Variants in SRGAP1 observed in about 807,000 individuals in gnomAD.
SRGAP1 encodes SLIT-ROBO Rho GTPase activating protein 1, also known as SLIT-ROBO Rho GTPase-activating protein 1.
In SRGAP1, 43 loss-of-function variants were observed where a neutral mutation model predicts 121.9. That is an observed-to-expected ratio of 0.35 (90% CI 0.28 to 0.46). The LOEUF (loss-of-function observed/expected upper bound fraction) is 0.46, where lower values mean the gene tolerates loss of function less well. SRGAP1 is among the 20% of genes least tolerant of loss of function. SRGAP1 has a pLI of 1.00. For missense variants in SRGAP1, 1,102 were observed against 1,350.9 expected (o/e 0.82, Z 2.89); for synonymous variants, 447 against 485.4 (o/e 0.92, Z 1.04).
chr12:63,948,985 C>T (rs1428175391), intron 1 of SRGAP1, among the ~76,000 whole-genome samples: 1 of 123,152 alleles, frequency 8.1e-6, no homozygotes, highest in Admixed American at 8.3e-5. Flanking sequence ...TATATATATT[C>T]CATATATGTA....
chr12:63,880,009 A>T (rs1900141683), intron 1 of SRGAP1, among the ~76,000 whole-genome samples: 1 of 152,134 alleles, frequency 6.6e-6, no homozygotes, highest in South Asian at 2.1e-4. Context: ...TCCATGTGTC[A>T]TGGGAGGGAC....
intron 15 of SRGAP1, among the ~76,000 whole-genome samples, chr12:64,099,821 A>G (rs967631658): frequency 1.3e-5 from 2 of 152,224 alleles, no homozygotes; most frequent in East Asian, 1.9e-4. Context: ...ACATGTACCA[A>G]TTGGATAAAG....
At chr12:64,017,054 A>G in intron 4 of SRGAP1, 42 bp downstream of exon 4, 1 of 1,197,602 alleles carries the variant, frequency 8.4e-7, no homozygotes, top group Non-Finnish European at 1.2e-6. Context: ...TCCTTGGGTT[A>G]GAATTCTGGT....
chr12:63,992,185 A>C (rs933196212), intron 3 of SRGAP1, among the ~76,000 whole-genome samples: 1 of 152,206 alleles, frequency 6.6e-6, no homozygotes, highest in Non-Finnish European at 1.5e-5. Context: ...GTCATGTAAG[A>C]AGGGACTTTG....
chr12:64,044,111 T>C (rs1324723953), intron 6 of SRGAP1, among the ~76,000 whole-genome samples: 1 of 152,214 alleles, frequency 6.6e-6, no homozygotes, highest in Non-Finnish European at 1.5e-5. Context: ...CTCTGTACAT[T>C]CTCTCATAGG....
rs1453032313 is a variant in SRGAP1 at position 64,149,111 on chromosome 12, G to A, written c.*6439G>A. The A allele has an allele frequency of 6.6e-6, 1 of 152,106 alleles. No homozygotes were observed. Among genetic ancestry groups the A allele is most frequent in the Non-Finnish European group, 1.5e-5 (1 of 68,026 alleles). The allele number at this position is 152,106 out of a possible 1,614,324, so 9.4% of individuals were successfully genotyped here. ...TATTATATTTATTTTAGTATTTCCTGATTAAACTTTGGGTAGTATATGCAG... is the reference window on the plus strand; with the variant it reads ...TATTATATTTATTTTAGTATTTCCTAATTAAACTTTGGGTAGTATATGCAG... On this transcript the variant is annotated 3_prime_UTR_variant, in exon 22 of 22. Transcript: ENST00000355086.
chr12:64,133,093 G>C (rs1027599640), intron 21 of SRGAP1, among the ~76,000 whole-genome samples: 3 of 152,202 alleles, frequency 2.0e-5, no homozygotes, highest in Non-Finnish European at 2.9e-5. Flanking sequence ...CTTCTGCACA[G>C]GCCAAATGGG....
chr12:64,084,242 G>A (rs758677196), intron 10 of SRGAP1, among the ~76,000 whole-genome samples: 25 of 151,826 alleles, frequency 1.6e-4, no homozygotes, highest in African/African-American at 5.8e-4. Context: ...CATAATTCTC[G>A]AGTGAAATTT....
In SRGAP1 at chr12:64,080,319, A is replaced by G. The variant is rs1318793416; in HGVS notation, c.1357A>G (p.Ile453Val). ...LREYLEGSNL[I>V]TKLQAKHDLL... is the part of the protein sequence containing the mutation. The stretch of plus-strand genomic sequence containing the variant: ...AGAATATTTGGAAGGCAGTAATCTC[A>G]TCACAAAACTTCAAGCCAAACATGA... The change falls in exon 10 of 22, where the codon ATC (isoleucine) becomes GTC (valine). Residue 453 changes from isoleucine to valine, a missense_variant. Ile to Val is a conservative substitution (Grantham distance 29). This residue lies in a region of SRGAP1 where 747 missense variants were observed against 929.4 expected (regional missense o/e 0.80). Coordinates refer to ENST00000355086, the MANE Select transcript of SRGAP1 (RefSeq NM_020762.4). 1.2e-6 allele frequency: 2 copies of G among 1,611,184 alleles called. No individual in the cohort carries two copies. The highest frequency in any genetic ancestry group is 1.7e-6 in the Non-Finnish European group (2 of 1,177,442).
intron 3 of SRGAP1, among the ~76,000 whole-genome samples, chr12:63,994,963 C>G (rs971345927): frequency 6.6e-6 from 1 of 152,240 alleles, no homozygotes; most frequent in Admixed American, 6.5e-5. Flanking sequence ...TCATCTGTCA[C>G]AGTTGCAGGA....
intron 1 of SRGAP1, among the ~76,000 whole-genome samples, chr12:63,939,507 GA>G (rs765566989): frequency 6.6e-6 from 1 of 151,942 alleles, no homozygotes; most frequent in Non-Finnish European, 1.5e-5. Context: ...GAAAGGAGGA[GA>G]AAAAAAGGCA....
At position 63,987,185 on chromosome 12, in the gene SRGAP1, CAT is replaced by C. The variant is rs1178861758; in HGVS notation, c.264-2724_264-2723del. Among the ~76,000 whole-genome samples, 7 of 152,194 alleles carry C rather than the reference CAT, an allele frequency of 4.6e-5. No individual in the cohort carries two copies. The East Asian group carries it at 1.3e-3, about 29-fold the overall frequency. Reference sequence around the variant, plus strand: ...TATTCCTTCTCCTTTTAACCAAACACATGTTATGTCTTTAGCATGATATCATT... The same window carrying C: ...TATTCCTTCTCCTTTTAACCAAACACGTTATGTCTTTAGCATGATATCATT... On this transcript the variant is annotated intron_variant, in intron 2 of 21. Transcript: ENST00000355086.
intron 7 of SRGAP1, 148 bp downstream of exon 7, chr12:64,063,286 G>A (rs998072040): frequency 5.0e-5 from 37 of 745,196 alleles, no homozygotes; most frequent in Non-Finnish European, 6.6e-5. Context: ...AAGATTAGTC[G>A]CTACCGCCTT....
rs1472516366 is a variant in SRGAP1 at position 64,095,197 on chromosome 12, T to C, written c.1671T>C (p.Phe557=). The change falls in exon 14 of 22, where the codon TTT becomes TTC. Residue 557 remains phenylalanine, a synonymous_variant. Transcript: ENST00000355086. ...QVEVNDIKNS[F]ERGENPLADD... ...AAGTCAATGATATTAAAAATTCATT[T>C]GAGAGAGGTAATTGCACGTCTATCC... The C allele has an allele frequency of 6.2e-7, 1 of 1,613,866 alleles. No homozygotes were observed. Among genetic ancestry groups the C allele is most frequent in the Non-Finnish European group, 8.5e-7 (1 of 1,179,912 alleles).
At position 64,152,088 on chromosome 12, in the gene SRGAP1, CAA is replaced by C. The variant is rs1340437977; in HGVS notation, c.*9418_*9419del. On this transcript the variant is annotated 3_prime_UTR_variant, in exon 22 of 22. Coordinates refer to ENST00000355086, the MANE Select transcript of SRGAP1 (RefSeq NM_020762.4). The stretch of plus-strand genomic sequence containing the variant: ...CTCAAAAACAAAATGAGAAACCTAA[CAA>C]ACAATCATTGAAAATGTACCATGTA... 1 of 152,142 alleles carries C rather than the reference CAA, an allele frequency of 6.6e-6. No individual in the cohort carries two copies. The highest frequency in any genetic ancestry group is 1.5e-5 in the Non-Finnish European group (1 of 68,018). 9.4% of individuals were successfully genotyped at this position (152,142 alleles called of 1,614,324 possible). A position where few individuals can be genotyped will look rare whatever the true frequency, so the allele number is the denominator to read the frequency against.
At chr12:64,005,031 A>G (rs962033984) in intron 3 of SRGAP1, among the ~76,000 whole-genome samples, 1 of 152,250 alleles carries the variant, frequency 6.6e-6, no homozygotes, top group East Asian at 1.9e-4. Flanking sequence ...ATGCATTTGC[A>G]GAAGAGATAC....
chr12:64,118,528 C>T (rs148466519), intron 18 of SRGAP1, among the ~76,000 whole-genome samples: 4 of 152,220 alleles, frequency 2.6e-5, no homozygotes, highest in Non-Finnish European at 5.9e-5. Context: ...TCCCAAAGTG[C>T]TGAGATTATA....
chr12:63,977,219 T>C (rs2033118792), intron 1 of SRGAP1, among the ~76,000 whole-genome samples: 1 of 152,192 alleles, frequency 6.6e-6, no homozygotes, highest in Non-Finnish European at 1.5e-5. Flanking sequence ...ATTGCGTTGC[T>C]CTGAAAGACA....
At chr12:63,922,935 T>C (rs2031123011) in intron 1 of SRGAP1, among the ~76,000 whole-genome samples, 1 of 152,186 alleles carries the variant, frequency 6.6e-6, no homozygotes, top group Admixed American at 6.5e-5. Flanking sequence ...TGCTACTTGC[T>C]CCATAACCCA....
Sources: gnomAD v4.1 joint callset for allele counts (sites outside exome capture counted in the v4.1 genomes callset) on GRCh38, gnomAD v4.1.1 for gene constraint, gnomAD v4.1.1 regional missense constraint, MANE v1.5 for transcripts, NCBI Gene and HGNC (gene_info 2026-07-23, HGNC 2026-07-21) for gene names.